SCD5: variants seen among roughly 807,000 people sequenced by gnomAD.
The protein encoded by SCD5 is acyl-CoA-desaturase 4.
In SCD5, 20 loss-of-function variants were observed where a neutral mutation model predicts 30.4. The observed-to-expected ratio is 0.66, with a 90% confidence interval of 0.46 to 0.96. The LOEUF (loss-of-function observed/expected upper bound fraction) is 0.96, where lower values mean the gene tolerates loss of function less well. Ranked by LOEUF, SCD5 falls within the 40% of genes least tolerant of loss-of-function variation. The pLI is 0.00. For synonymous variants in SCD5, 173 were observed against 176.4 expected, an observed-to-expected ratio of 0.98 and a Z score of 0.16; for missense variants, 381 against 443.3, an observed-to-expected ratio of 0.86 and a Z score of 1.26.
chr4:82,683,411 C>G (rs1178224175), intron 2 of SCD5, among the ~76,000 whole-genome samples: 1 of 152,080 alleles, frequency 6.6e-6, no homozygotes, highest in Non-Finnish European at 1.5e-5. Context: ...ACTCTGTCCC[C>G]CATTCACAGA....
chr4:82,650,254 T>C (rs1280647440), intron 3 of SCD5, among the ~76,000 whole-genome samples: 1 of 152,146 alleles, frequency 6.6e-6, no homozygotes, highest in Non-Finnish European at 1.5e-5. Flanking sequence ...ATGAGAGAGC[T>C]CTATGAGCAG....
chr4:82,660,657 T>C (rs1197525423), intron 3 of SCD5: 4 of 1,397,192 alleles, frequency 2.9e-6, no homozygotes, highest in Non-Finnish European at 3.7e-6. Context: ...AGAGACAGAA[T>C]GACAAAACTG....
chr4:82,665,027 T>C (rs2868391), intron 3 of SCD5, among the ~76,000 whole-genome samples: 2 of 32,782 alleles, frequency 6.1e-5, no homozygotes, highest in Non-Finnish European at 1.3e-4. Flanking sequence ...ATATGTATAA[T>C]ACACACACAC....
At chr4:82,726,126 C>A (rs764975104) in intron 1 of SCD5, among the ~76,000 whole-genome samples, 14 of 152,032 alleles carry the variant, frequency 9.2e-5, no homozygotes, top group Non-Finnish European at 1.8e-4. Context: ...TGTTCCTAAA[C>A]AATAACCTTG....
At chr4:82,745,566 G>A (rs1005878216) in intron 1 of SCD5, among the ~76,000 whole-genome samples, 1 of 152,162 alleles carries the variant, frequency 6.6e-6, no homozygotes. Flanking sequence ...TTGTTACATA[G>A]TTAAAATGTG....
intron 1 of SCD5, among the ~76,000 whole-genome samples, chr4:82,791,175 T>C (rs1020875970): frequency 6.6e-6 from 1 of 151,794 alleles, no homozygotes; most frequent in African/African-American, 2.4e-5. Context: ...GAGATGGAGG[T>C]TGCAGTGACC....
Position 82,798,023 on chromosome 4 carries a change from C to T in SCD5, c.232+283G>A, listed in dbSNP as rs1346107389. Among the ~76,000 whole-genome samples, 4 of 151,774 alleles carry T rather than the reference C, an allele frequency of 2.6e-5. No individual in the cohort carries two copies. In the South Asian group the frequency reaches 6.2e-4, roughly 24 times the overall value. ...TGGCACCGCAGGACTCCGGGTCCCC[C>T]CCGGCTCTCCATCGGGAAGCCGGCA... On this transcript the variant is annotated intron_variant, in intron 1 of 4. Coordinates refer to ENST00000319540, the MANE Select transcript of SCD5 (RefSeq NM_001037582.3).
intron 1 of SCD5, among the ~76,000 whole-genome samples, chr4:82,769,034 G>A (rs992763286): frequency 1.3e-4 from 20 of 151,828 alleles, no homozygotes; most frequent in African/African-American, 4.8e-4. Flanking sequence ...ACTGTCTAAC[G>A]GGGGCTGGAG....
intron 2 of SCD5, among the ~76,000 whole-genome samples, chr4:82,687,144 C>G (rs1314020574): frequency 6.8e-6 from 1 of 148,116 alleles, no homozygotes; most frequent in Non-Finnish European, 1.5e-5. Context: ...GCACTCCAGC[C>G]TGGGCAACAG....
intron 1 of SCD5, among the ~76,000 whole-genome samples, chr4:82,739,135 G>A (rs964194204): frequency 2.6e-5 from 4 of 152,164 alleles, no homozygotes; most frequent in East Asian, 1.9e-4. Flanking sequence ...CTCAATCTGC[G>A]ATTTCCCAGG....
intron 1 of SCD5, among the ~76,000 whole-genome samples, chr4:82,793,262 G>A (rs1194163464): frequency 6.6e-6 from 1 of 152,222 alleles, no homozygotes; most frequent in Non-Finnish European, 1.5e-5. Flanking sequence ...TCAAAGAAAT[G>A]ATGTGGCCCT....
chr4:82,786,215 C>A (rs1293902844), intron 1 of SCD5, among the ~76,000 whole-genome samples: 2 of 151,960 alleles, frequency 1.3e-5, no homozygotes, highest in Non-Finnish European at 2.9e-5. Context: ...ACGGGTGGCC[C>A]AGGCTGTAAG....
intron 1 of SCD5, among the ~76,000 whole-genome samples, chr4:82,794,930 C>T (rs1294232002): frequency 2.6e-5 from 4 of 152,150 alleles, no homozygotes; most frequent in African/African-American, 4.8e-5. Context: ...GGATTATAGG[C>T]GTGAGCCACC....
chr4:82,759,740 G>A (rs1039623734), intron 1 of SCD5, among the ~76,000 whole-genome samples: 9 of 149,884 alleles, frequency 6.0e-5, no homozygotes, highest in African/African-American at 2.2e-4. Context: ...GGCCTTCATT[G>A]TACAAAGTAA....
At chr4:82,753,689 C>T (rs544622503) in intron 1 of SCD5, among the ~76,000 whole-genome samples, 56 of 152,248 alleles carry the variant, frequency 3.7e-4, no homozygotes, top group African/African-American at 1.2e-3. Flanking sequence ...GCTTGACCTG[C>T]CAAATGTGTA....
chr4:82,757,742 C>T (rs572317053), intron 1 of SCD5, among the ~76,000 whole-genome samples: 1 of 152,252 alleles, frequency 6.6e-6, no homozygotes, highest in South Asian at 2.1e-4. Flanking sequence ...GTACCTCCAT[C>T]AGAGGTATTG....
intron 1 of SCD5, among the ~76,000 whole-genome samples, chr4:82,707,639 T>C (rs112874542): frequency 9.2e-5 from 14 of 152,242 alleles, no homozygotes; most frequent in East Asian, 3.8e-4. Context: ...AGCTGCCATG[T>C]TGGGGAGGCC....
chr4:82,694,780 G>A (rs766658972), intron 2 of SCD5, among the ~76,000 whole-genome samples: 1 of 152,196 alleles, frequency 6.6e-6, no homozygotes, highest in African/African-American at 2.4e-5. Flanking sequence ...AGGCTGAGAG[G>A]AGGAGGGGCT....
intron 1 of SCD5, among the ~76,000 whole-genome samples, chr4:82,744,818 G>A (rs995826019): frequency 6.6e-6 from 1 of 151,788 alleles, no homozygotes; most frequent in African/African-American, 2.4e-5. Flanking sequence ...GGCCCCACTA[G>A]ATACCATCTT....
Sources: allele counts gnomAD v4.1 joint callset (sites outside exome capture counted in the v4.1 genomes callset), GRCh38; gene constraint gnomAD v4.1.1; transcripts MANE v1.5; gene names NCBI Gene and HGNC (gene_info 2026-07-23, HGNC 2026-07-21).